The following ZXDC variants were observed in gnomAD, a reference collection of about 807,000 sequenced individuals.
ZXDC encodes zinc finger protein ZXDC.
ZXDC carries 58 observed loss-of-function variants against 63.6 expected under a neutral mutation model. The ratio of observed to expected loss-of-function variants is 0.91; its 90% CI spans 0.74 to 1.13. The LOEUF (loss-of-function observed/expected upper bound fraction) is 1.13, where lower values mean the gene tolerates loss of function less well. Ranked by LOEUF, ZXDC falls within the 50% of genes most tolerant of loss-of-function variation. ZXDC has a pLI of 0.00. For missense variants in ZXDC, 1,133 were observed against 1,148.9 expected (o/e 0.99, Z 0.20); for synonymous variants, 561 against 496.1 (o/e 1.13, Z -1.74).
intron 7 of ZXDC, chr3:126,442,950 T>C (rs114247662): frequency 0.034 from 5,133 of 152,336 alleles, 98 homozygotes; most frequent in Middle Eastern, 0.054. Flanking sequence ...AGAGCTGACT[T>C]GCCCTGCATA....
rs1934248149 is a variant in ZXDC, at chr3:126,454,932, AAG to A, written c.2212+4719_2212+4720del. ...CTACACTCAACAGCAACACAATGGG[AAG>A]AGTCTTGGATTTCAAATGCTATTGC... is the stretch of plus-strand genomic sequence containing the variant. On this transcript the variant is annotated intron_variant, in intron 7 of 9. Transcript: ENST00000389709. 8 of 985,466 alleles carry A rather than the reference AAG, an allele frequency of 8.1e-6. No individual in the cohort carries two copies. In the South Asian group the frequency reaches 3.3e-4, roughly 41 times the overall value. The allele number at this position is 985,466 out of a possible 1,614,324, so 61.0% of individuals were successfully genotyped here. A position where few individuals can be genotyped will look rare whatever the true frequency, so the allele number is the denominator to read the frequency against.
At chr3:126,471,555 A>G (rs1476063379) in intron 3 of ZXDC, among the ~76,000 whole-genome samples, 1 of 152,216 alleles carries the variant, frequency 6.6e-6, no homozygotes, top group Non-Finnish European at 1.5e-5. Context: ...CAGGGAGAAT[A>G]AGAACATTAG....
chr3:126,460,844 T>A, intron 6 of ZXDC: 1 of 985,410 alleles, frequency 1.0e-6, no homozygotes, highest in African/African-American at 1.7e-5. Context: ...AAATAAGATG[T>A]AACATTCTCA....
intron 1 of ZXDC, 90 bp downstream of exon 1, chr3:126,474,869 G>C (rs996681739): frequency 7.1e-7 from 1 of 1,407,814 alleles, no homozygotes; most frequent in East Asian, 2.5e-5. Flanking sequence ...GGCTTGCTAA[G>C]GTCTGGCAGG....
intron 6 of ZXDC, chr3:126,460,746 G>A (rs540976780): frequency 2.0e-6 from 2 of 985,282 alleles, no homozygotes; most frequent in South Asian, 4.7e-5. Flanking sequence ...TGAAAGAAAT[G>A]AAAGGTGGCT....
Position 126,463,217 on chromosome 3 carries a change from C to T in ZXDC, c.1442-997G>A, listed in dbSNP as rs574979833. ...CCGAGTAACTGGGACTACAGGCACCCGCCACTATGCCCGGCTAATTTTTTT... is the reference window on the plus strand; with the variant it reads ...CCGAGTAACTGGGACTACAGGCACCTGCCACTATGCCCGGCTAATTTTTTT... On this transcript the variant is annotated intron_variant, in intron 5 of 9. Coordinates refer to ENST00000389709, the MANE Select transcript of ZXDC (RefSeq NM_025112.5). Among the ~76,000 whole-genome samples, 5 of 152,230 alleles carry T rather than the reference C, an allele frequency of 3.3e-5. No individual in the cohort carries two copies. In the East Asian group the frequency reaches 5.8e-4, roughly 18 times the overall value.
intron 7 of ZXDC, chr3:126,458,825 T>A (rs963275033): frequency 2.0e-5 from 20 of 985,444 alleles, no homozygotes; most frequent in Non-Finnish European, 2.4e-5. Context: ...TTGTGAACTG[T>A]TGAGGTGTCC....
chr3:126,456,161 G>A (rs1191168690), intron 7 of ZXDC, among the ~76,000 whole-genome samples: 1 of 152,258 alleles, frequency 6.6e-6, no homozygotes, highest in Non-Finnish European at 1.5e-5. Context: ...CCCCTGCTGA[G>A]TGTTACATGA....
At position 126,438,194 on chromosome 3, in the gene ZXDC, G is replaced by A. The variant is rs780293218; in HGVS notation, c.*181C>T. ...AAGGCAGTTTCAAAGAGTATAGCCC[G>A]AACTCATTCCTGGTAAAACAAAAGG... On this transcript the variant is annotated 3_prime_UTR_variant, in exon 10 of 10. Transcript: ENST00000389709. The A allele has an allele frequency of 1.6e-4, 103 of 634,626 alleles. No individual in the cohort carries two copies. The highest frequency in any genetic ancestry group is 3.9e-4 in the East Asian group (14 of 36,292). 39.3% of individuals were successfully genotyped at this position (634,626 alleles called of 1,614,324 possible).
intron 5 of ZXDC, among the ~76,000 whole-genome samples, chr3:126,463,526 C>T (rs538481393): frequency 6.6e-6 from 1 of 152,294 alleles, no homozygotes; most frequent in Admixed American, 6.5e-5. Context: ...AATGCATAGG[C>T]AAGTTTAGGG....
intron 7 of ZXDC, chr3:126,453,995 G>A (rs1285642994): frequency 2.3e-6 from 2 of 856,976 alleles, no homozygotes; most frequent in African/African-American, 1.8e-5. Context: ...GTACATATAG[G>A]CATATATATA....
At chr3:126,454,536 G>C in intron 7 of ZXDC, 2 of 985,306 alleles carry the variant, frequency 2.0e-6, no homozygotes, top group Non-Finnish European at 2.4e-6. Flanking sequence ...TTTCCATACA[G>C]GGTGCACCTC....
chr3:126,451,607 G>C, intron 7 of ZXDC: 2 of 985,426 alleles, frequency 2.0e-6, no homozygotes, highest in Non-Finnish European at 2.4e-6. Context: ...ACCAAGGCCG[G>C]CACTGGGCTC....
rs1005838360 is a variant in ZXDC at position 126,441,668 on chromosome 3, G to C, written c.2394+97C>G. 3.7e-5 allele frequency: 54 copies of C among 1,443,452 alleles called. 1 individual carries two copies. The highest frequency in any genetic ancestry group is 2.6e-4 in the Middle Eastern group (1 of 3,868). The allele number at this position is 1,443,452 out of a possible 1,614,324, so 89.4% of individuals were successfully genotyped here. On this transcript the variant is annotated intron_variant, in intron 8 of 9. Coordinates refer to ENST00000389709, the MANE Select transcript of ZXDC (RefSeq NM_025112.5). ...GAGGGGCAGGCAGGCAGGGGGTGCT[G>C]CGATGGGCAGGGGATGCAGCATGCC...
intron 8 of ZXDC, chr3:126,440,143 T>C (rs1933620637): frequency 9.9e-7 from 1 of 1,011,642 alleles, no homozygotes; most frequent in African/African-American, 1.7e-5. Context: ...ATGCCCCAGC[T>C]TGCCTACGGG....
intron 6 of ZXDC, chr3:126,460,106 G>A (rs774201966): frequency 1.8e-4 from 180 of 985,224 alleles, no homozygotes; most frequent in Non-Finnish European, 2.0e-4. Context: ...CACTTTTCAC[G>A]CTGTTTCACA....
At chr3:126,453,900 G>A (rs1934207760) in intron 7 of ZXDC, 1 of 984,772 alleles carries the variant, frequency 1.0e-6, no homozygotes, top group East Asian at 1.1e-4. Flanking sequence ...ATTGTCTAGA[G>A]GTTTTGTTTT....
At chr3:126,439,965 T>G (rs1398520752) in intron 8 of ZXDC, 1 of 1,386,092 alleles carries the variant, frequency 7.2e-7, no homozygotes, top group African/African-American at 1.5e-5. Flanking sequence ...GCCTGGAACC[T>G]TCTGCTCTCC....
intron 7 of ZXDC, among the ~76,000 whole-genome samples, chr3:126,445,793 C>T (rs1933862791): frequency 6.6e-6 from 1 of 152,124 alleles, no homozygotes; most frequent in Non-Finnish European, 1.5e-5. Flanking sequence ...AGTTGTCCCC[C>T]AGGCCTGAGC....
Sources: gnomAD v4.1 joint callset for allele counts (sites outside exome capture counted in the v4.1 genomes callset) on GRCh38, gnomAD v4.1.1 for gene constraint, MANE v1.5 for transcripts, NCBI Gene and HGNC (gene_info 2026-07-23, HGNC 2026-07-21) for gene names.